PSD3: variants seen among roughly 807,000 people sequenced by gnomAD.
PSD3 encodes the protein pleckstrin and Sec7 domain containing 3.
PSD3 carries 49 observed loss-of-function variants against 105.5 expected under a neutral mutation model. That is an observed-to-expected ratio of 0.46 (90% CI 0.37 to 0.59). The LOEUF is 0.59. Among genes scored for constraint, PSD3 ranks in the 20% least tolerant of loss-of-function variants. The probability of loss-of-function intolerance (pLI) is 0.00; values close to 1 mark genes in which losing one functional copy is unlikely to be tolerated. For missense variants in PSD3, 1,561 were observed against 1,263.8 expected (o/e 1.24, Z -3.57); for synonymous variants, 557 against 457.8 (o/e 1.22, Z -2.77).
In PSD3 at chr8:18,872,529, T is replaced by G; in HGVS notation, c.335A>C (p.Lys112Thr). 8.1e-6 allele frequency: 13 copies of G among 1,614,096 alleles called. No homozygotes were observed. Among genetic ancestry groups the G allele is most frequent in the African/African-American group, 1.3e-5 (1 of 75,008 alleles). ...TTGAGAGGGGGCCTCTCTGACATCT[T>G]TTGGTCCTTCTGTAACACTGTCGAG... ...SGLDSVTEGPKDVREAPSQSH... is the reference protein window; with the variant it reads ...SGLDSVTEGPTDVREAPSQSH... The change falls in exon 3 of 16, where the codon AAA (lysine) becomes ACA (threonine). Residue 112 changes from lysine to threonine, a missense_variant. By Grantham distance (78) the Lys-to-Thr change is moderately conservative. Coordinates refer to ENST00000327040, the MANE Select transcript of PSD3 (RefSeq NM_015310.4).
intron 9 of PSD3, among the ~76,000 whole-genome samples, chr8:18,764,903 G>A (rs73199973): frequency 0.056 from 8,460 of 152,150 alleles, 380 homozygotes; most frequent in African/African-American, 0.12. Context: ...TTCCAAAGTT[G>A]ATTTTGTTGT....
chr8:18,784,309 C>T (rs74634795), intron 8 of PSD3, among the ~76,000 whole-genome samples: 7,392 of 152,162 alleles, frequency 0.049, 371 homozygotes, highest in East Asian at 0.14. Context: ...TGTTCTTTCA[C>T]GGCTTATTAT....
intron 12 of PSD3, among the ~76,000 whole-genome samples, chr8:18,592,231 G>A (rs2410573): frequency 0.86 from 131,570 of 152,154 alleles, 57,183 homozygotes; most frequent in South Asian, 0.96. Context: ...GAAGAATATA[G>A]TAACTGAAAT....
chr8:18,574,907 A>G (rs1434017991), intron 13 of PSD3, among the ~76,000 whole-genome samples: 1 of 152,190 alleles, frequency 6.6e-6, no homozygotes, highest in African/African-American at 2.4e-5. Context: ...TGGCTGACTA[A>G]AAGTCAAAGG....
intron 2 of PSD3, among the ~76,000 whole-genome samples, chr8:18,935,474 G>C (rs531140773): frequency 4.0e-5 from 6 of 149,342 alleles, no homozygotes; most frequent in East Asian, 2.0e-4. Flanking sequence ...CCAGGAGTTT[G>C]AGACCAGCCT....
At chr8:18,545,678 C>T (rs1401353659) in intron 15 of PSD3, among the ~76,000 whole-genome samples, 1 of 152,194 alleles carries the variant, frequency 6.6e-6, no homozygotes, top group Non-Finnish European at 1.5e-5. Flanking sequence ...GTTATGGCAA[C>T]ATTTTAATAT....
At chr8:18,744,328 T>C (rs968755133) in intron 9 of PSD3, among the ~76,000 whole-genome samples, 7 of 152,174 alleles carry the variant, frequency 4.6e-5, no homozygotes, top group Admixed American at 2.6e-4. Flanking sequence ...ACAGAATTGG[T>C]GCTAAGTATC....
intron 14 of PSD3, among the ~76,000 whole-genome samples, chr8:18,556,556 C>G (rs1801087955): frequency 6.6e-6 from 1 of 152,172 alleles, no homozygotes; most frequent in South Asian, 2.1e-4. Flanking sequence ...CAATCAAGGC[C>G]AACCTCTTTA....
chr8:19,036,487 C>G (rs1275164631), intron 1 of PSD3, among the ~76,000 whole-genome samples: 4 of 152,208 alleles, frequency 2.6e-5, no homozygotes, highest in Admixed American at 2.6e-4. Flanking sequence ...CAGAGATCCT[C>G]TAATCCAGCT....
At position 18,761,320 on chromosome 8, in the gene PSD3, T is replaced by C. The variant is rs147371613; in HGVS notation, c.2172+4129A>G. Among the ~76,000 whole-genome samples the C allele has an allele frequency of 9.8e-4, 150 of 152,304 alleles. 1 individual carries two copies. The East Asian group carries it at 0.027, about 27-fold the overall frequency. Reference sequence around the variant, plus strand: ...TAGAGGTTTTGACTACTGCCGCTAATCTCACTCGCCTCTAAAAAGTCTTAA... The same window carrying C: ...TAGAGGTTTTGACTACTGCCGCTAACCTCACTCGCCTCTAAAAAGTCTTAA... On this transcript the variant is annotated intron_variant, in intron 9 of 15. Transcript: ENST00000327040.
chr8:18,570,714 A>G lies in PSD3; in HGVS notation c.2784+1814T>C, dbSNP rs891039082. 2.4e-3 allele frequency among the ~76,000 whole-genome samples: 365 copies of G among 151,756 alleles called. 1 individual carries two copies. Among genetic ancestry groups the G allele is most frequent in the African/African-American group, 8.5e-3 (353 of 41,388 alleles). On this transcript the variant is annotated intron_variant, in intron 14 of 15. Transcript: ENST00000327040. ...AGACATTTATGCAGCCAAAAAACAC[A>G]TGAAAAAATGCTCATCATCACTGGC...
At chr8:18,736,601 G>A (rs1209788177) in intron 9 of PSD3, among the ~76,000 whole-genome samples, 2 of 152,138 alleles carry the variant, frequency 1.3e-5, no homozygotes, top group African/African-American at 4.8e-5. Context: ...CATCAATGGG[G>A]CTGTAGTTCA....
At chr8:18,761,064 C>T (rs1806488424) in intron 9 of PSD3, among the ~76,000 whole-genome samples, 1 of 152,162 alleles carries the variant, frequency 6.6e-6, no homozygotes, top group African/African-American at 2.4e-5. Flanking sequence ...CCAATGCACC[C>T]TAGTACTTCC....
chr8:18,679,101 C>T (rs141683197), intron 9 of PSD3, among the ~76,000 whole-genome samples: 1 of 152,272 alleles, frequency 6.6e-6, no homozygotes, highest in East Asian at 1.9e-4. Flanking sequence ...TATCAATGTC[C>T]TGTTTGACCA....
At chr8:18,735,765 T>C (rs529117955) in intron 9 of PSD3, among the ~76,000 whole-genome samples, 104 of 152,274 alleles carry the variant, frequency 6.8e-4, no homozygotes, top group African/African-American at 2.3e-3. Context: ...CAAAGGATTA[T>C]TGGATACCAA....
At chr8:18,805,671 C>T (rs1200604118) in intron 4 of PSD3, among the ~76,000 whole-genome samples, 1 of 152,142 alleles carries the variant, frequency 6.6e-6, no homozygotes, top group African/African-American at 2.4e-5. Flanking sequence ...TAACATCACA[C>T]ATTGGTTATC....
Position 18,916,028 on chromosome 8 carries a change from G to A in PSD3, c.130+20006C>T, listed in dbSNP as rs540365864. ...GGAGAATCGCTTGAACCCAGGAGGC[G>A]GAGGTTGCAGTGAGCGGAGATCGTG... On this transcript the variant is annotated intron_variant, in intron 2 of 15. Coordinates refer to ENST00000327040, the MANE Select transcript of PSD3 (RefSeq NM_015310.4). 2.0e-4 allele frequency among the ~76,000 whole-genome samples: 30 copies of A among 152,000 alleles called. No individual in the cohort carries two copies. In the East Asian group the frequency reaches 4.7e-3, roughly 24 times the overall value.
chr8:19,069,702 C>T (rs1829190756), intron 1 of PSD3, among the ~76,000 whole-genome samples: 2 of 152,120 alleles, frequency 1.3e-5, no homozygotes, highest in Non-Finnish European at 2.9e-5. Context: ...CTAAAGAGTA[C>T]AAAGAAAGTG....
chr8:18,572,742 A>T, intron 13 of PSD3, 70 bp from the exon 14 acceptor site: 1 of 1,529,332 alleles, frequency 6.5e-7, no homozygotes, highest in South Asian at 1.2e-5. Flanking sequence ...TGCCTATTTC[A>T]CGTTACTGAT....
Sources: gnomAD v4.1 joint callset for allele counts (sites outside exome capture counted in the v4.1 genomes callset) on GRCh38, gnomAD v4.1.1 for gene constraint, MANE v1.5 for transcripts, NCBI Gene and HGNC (gene_info 2026-07-23, HGNC 2026-07-21) for gene names.